The following TMEM232 variants were observed in gnomAD, a reference collection of about 807,000 sequenced individuals.
TMEM232 encodes the protein transmembrane protein 232.
Under a neutral mutation model 78.8 loss-of-function variants are expected in TMEM232, and 80 were observed. The observed-to-expected ratio is 1.01, with a 90% CI of 0.85 to 1.22. The LOEUF (loss-of-function observed/expected upper bound fraction) is 1.22, where lower values mean the gene tolerates loss of function less well. Ranked by LOEUF, TMEM232 falls within the 50% of genes most tolerant of loss-of-function variation. The pLI is 0.00. For synonymous variants in TMEM232, 297 were observed against 254.3 expected (o/e 1.17, Z -1.60); for missense variants, 881 against 742.2 (o/e 1.19, Z -2.17).
chr5:110,475,311 A>G (rs1037872985), intron 12 of TMEM232, among the ~76,000 whole-genome samples: 2 of 152,040 alleles, frequency 1.3e-5, no homozygotes, highest in Non-Finnish European at 2.9e-5. Flanking sequence ...GATGCACTGG[A>G]TATCTATTAG....
At chr5:110,467,607 C>CAAAT (rs1427402109) in intron 12 of TMEM232, among the ~76,000 whole-genome samples, 10 of 152,090 alleles carry the variant, frequency 6.6e-5, no homozygotes, top group Non-Finnish European at 1.5e-4. Flanking sequence ...AAAGATACAA[C>CAAAT]AAATACATAA....
intron 12 of TMEM232, among the ~76,000 whole-genome samples, chr5:110,500,196 G>A (rs1239919345): frequency 1.3e-5 from 2 of 149,288 alleles, no homozygotes; most frequent in Non-Finnish European, 2.9e-5. Context: ...GGAGGCTGAG[G>A]CAGAAGAATC....
chr5:110,403,100 A>G (rs977908305), intron 2 of TMEM232, among the ~76,000 whole-genome samples: 1 of 152,098 alleles, frequency 6.6e-6, no homozygotes, highest in South Asian at 2.1e-4. Context: ...TTTCATGGAT[A>G]TAGGGCCATT....
At chr5:110,714,613 T>TAC (rs368635134) in intron 1 of TMEM232, among the ~76,000 whole-genome samples, 81 of 151,704 alleles carry the variant, frequency 5.3e-4, no homozygotes, top group Non-Finnish European at 8.7e-4. Context: ...CAATGTGAAA[T>TAC]ACACACACAC....
intron 10 of TMEM232, among the ~76,000 whole-genome samples, chr5:110,573,728 G>C (rs987809907): frequency 6.6e-6 from 1 of 152,102 alleles, no homozygotes; most frequent in African/African-American, 2.4e-5. Context: ...CCATGAGGAG[G>C]TGATATTCAA....
intron 12 of TMEM232, among the ~76,000 whole-genome samples, chr5:110,513,093 A>G (rs1031628079): frequency 1.3e-5 from 2 of 152,182 alleles, no homozygotes; most frequent in African/African-American, 2.4e-5. Context: ...TGTTTCACCA[A>G]TGGAAAGACA....
intron 12 of TMEM232, among the ~76,000 whole-genome samples, chr5:110,468,102 G>T (rs930299036): frequency 6.8e-6 from 1 of 146,458 alleles, no homozygotes; most frequent in Non-Finnish European, 1.5e-5. Flanking sequence ...TTCATTGGAA[G>T]AAAAAAAAAG....
Position 110,611,085 on chromosome 5 carries a change from T to G in TMEM232, c.903-4798A>C, listed in dbSNP as rs1164074990. On this transcript the variant is annotated intron_variant, in intron 8 of 13. Transcript: ENST00000455884. ...TTATAAATATGACCAAATAATTAAATGCAGATATATAAATAATTATTTAAG... is the reference window on the plus strand; with the variant it reads ...TTATAAATATGACCAAATAATTAAAGGCAGATATATAAATAATTATTTAAG... Among the ~76,000 whole-genome samples the G allele has an allele frequency of 7.2e-5, 11 of 152,206 alleles. No homozygotes were observed. The East Asian group carries it at 1.7e-3, about 24-fold the overall frequency.
intron 12 of TMEM232, among the ~76,000 whole-genome samples, chr5:110,455,502 C>T (rs311730): frequency 1.9e-3 from 296 of 152,036 alleles, no homozygotes; most frequent in African/African-American, 6.9e-3. Context: ...CTCAGCCTCC[C>T]GAGTAGCTGG....
chr5:110,466,920 T>C (rs1378794997), intron 12 of TMEM232, among the ~76,000 whole-genome samples: 2 of 150,798 alleles, frequency 1.3e-5, no homozygotes, highest in African/African-American at 4.9e-5. Context: ...GTGTGTGTGG[T>C]GTATGCTGGA....
At chr5:110,479,278 A>G (rs1358019446) in intron 12 of TMEM232, among the ~76,000 whole-genome samples, 4 of 151,862 alleles carry the variant, frequency 2.6e-5, no homozygotes, top group East Asian at 1.9e-4. Flanking sequence ...TTTGACTTAG[A>G]TATTTTTCTC....
intron 1 of TMEM232, among the ~76,000 whole-genome samples, chr5:110,708,963 T>C (rs1796208919): frequency 6.6e-6 from 1 of 151,960 alleles, no homozygotes. Context: ...AAACAAGACC[T>C]AATGATCTCT....
intron 7 of TMEM232, among the ~76,000 whole-genome samples, chr5:110,619,532 G>A (rs1187449182): frequency 6.6e-6 from 1 of 152,100 alleles, no homozygotes; most frequent in Non-Finnish European, 1.5e-5. Context: ...TGATTCTGGG[G>A]AACAATAATT....
intron 11 of TMEM232, among the ~76,000 whole-genome samples, chr5:110,563,525 C>CAA (rs1192920150): frequency 6.6e-6 from 1 of 151,562 alleles, no homozygotes; most frequent in East Asian, 1.9e-4. Flanking sequence ...GGAAACAGAA[C>CAA]AAAAAGAAAA....
At chr5:110,496,229 T>TAC (rs1379315113) in intron 12 of TMEM232, among the ~76,000 whole-genome samples, 1 of 151,992 alleles carries the variant, frequency 6.6e-6, no homozygotes, top group Non-Finnish European at 1.5e-5. Context: ...AATTTACTTG[T>TAC]ACAATATCTA....
chr5:110,574,255 C>T (rs1280663731), intron 10 of TMEM232, among the ~76,000 whole-genome samples: 1 of 152,016 alleles, frequency 6.6e-6, no homozygotes, highest in East Asian at 1.9e-4. Flanking sequence ...TCACATTTTA[C>T]CTTTTCGCTT....
chr5:110,533,056 T>G (rs897059526), intron 11 of TMEM232, among the ~76,000 whole-genome samples: 1 of 152,118 alleles, frequency 6.6e-6, no homozygotes, highest in African/African-American at 2.4e-5. Flanking sequence ...CTCAATACCT[T>G]CCTCCACAAC....
chr5:110,483,793 A>G (rs1764171521), intron 12 of TMEM232, among the ~76,000 whole-genome samples: 1 of 152,144 alleles, frequency 6.6e-6, no homozygotes, highest in Non-Finnish European at 1.5e-5. Flanking sequence ...TGACCCAGCA[A>G]TTTCATTACT....
Position 110,420,380 on chromosome 5 carries a change from T to C in TMEM232, c.*200A>G. ...GTGAAATCACTTCATTCAAGTGTGA[T>C]TAAAAGTTGGTCATTAATTTAGAAC... On this transcript the variant is annotated 3_prime_UTR_variant, in exon 14 of 14. Transcript: ENST00000455884. The C allele has an allele frequency of 2.3e-6, 1 of 432,688 alleles. No homozygotes were observed. The highest frequency in any genetic ancestry group is 4.0e-6 in the Non-Finnish European group (1 of 250,490). The allele number at this position is 432,688 out of a possible 1,614,324, so 26.8% of individuals were successfully genotyped here.
Sources: allele counts gnomAD v4.1 joint callset (sites outside exome capture counted in the v4.1 genomes callset), GRCh38; gene constraint gnomAD v4.1.1; transcripts MANE v1.5; gene names NCBI Gene and HGNC (gene_info 2026-07-23, HGNC 2026-07-21).